ABLIM1: variants seen among roughly 807,000 people sequenced by gnomAD.
ABLIM1 encodes actin-binding LIM protein 1.
A neutral mutation model predicts 107.0 loss-of-function variants in ABLIM1; 40 were observed. The ratio of observed to expected loss-of-function variants is 0.37; its 90% CI spans 0.29 to 0.49. The LOEUF is 0.49. Among genes scored for constraint, ABLIM1 ranks in the 20% least tolerant of loss-of-function variants. ABLIM1 has a pLI of 0.97. For missense variants in ABLIM1, 857 were observed against 1,008.5 expected (o/e 0.85, Z 2.04); for synonymous variants, 357 against 357.3 (o/e 1.00, Z 0.01).
chr10:114,553,100 A>AT (rs5788071), intron 4 of ABLIM1, among the ~76,000 whole-genome samples: 56,428 of 151,998 alleles, frequency 0.37, 13,822 homozygotes, highest in African/African-American at 0.7. Flanking sequence ...CCTTCCTGGA[A>AT]TTCTCATTTG....
chr10:114,746,694 G>T (rs117351068), intron 1 of ABLIM1, among the ~76,000 whole-genome samples: 3,869 of 152,268 alleles, frequency 0.025, 75 homozygotes, highest in Middle Eastern at 0.048. Context: ...ACAAGAAAGG[G>T]TTTTCACCAC....
At chr10:114,575,271 G>T in intron 3 of ABLIM1, 145 bp downstream of exon 3, 1 of 867,206 alleles carries the variant, frequency 1.2e-6, no homozygotes, top group South Asian at 1.9e-5. Context: ...TTTTTACTAG[G>T]ACTGATAGTA....
chr10:114,562,167 T>C (rs1440712907), intron 4 of ABLIM1, among the ~76,000 whole-genome samples: 6 of 152,124 alleles, frequency 3.9e-5, no homozygotes, highest in Non-Finnish European at 5.9e-5. Context: ...TTCAGAAAAG[T>C]GTAGCTGCTC....
intron 1 of ABLIM1, among the ~76,000 whole-genome samples, chr10:114,671,801 A>C (rs974021499): frequency 2.0e-5 from 3 of 152,246 alleles, no homozygotes; most frequent in African/African-American, 7.2e-5. Flanking sequence ...TGTTTTGTGA[A>C]GTATACACCT....
the ABLIM1 span, among the ~76,000 whole-genome samples, chr10:114,787,612 CGTCCGGG>C: frequency 1.8e-4 from 26 of 145,560 alleles, no homozygotes; most frequent in South Asian, 2.2e-4. Context: ...CCAGCCGCCC[CGTCCGGG>C]AGGTGAGGGG....
At chr10:114,533,920 C>G (rs1190060508) in intron 6 of ABLIM1, among the ~76,000 whole-genome samples, 1 of 152,164 alleles carries the variant, frequency 6.6e-6, no homozygotes, top group African/African-American at 2.4e-5. Context: ...TCAAGTGATC[C>G]TCCTGCTTTG....
At chr10:114,787,802 C>T in the ABLIM1 span, among the ~76,000 whole-genome samples, 3 of 143,948 alleles carry the variant, frequency 2.1e-5, no homozygotes, top group African/African-American at 7.6e-5. Flanking sequence ...AGCCCCTCTG[C>T]CCGGCCACGA....
At chr10:114,521,648 C>G (rs937878316) in intron 6 of ABLIM1, among the ~76,000 whole-genome samples, 1 of 151,862 alleles carries the variant, frequency 6.6e-6, no homozygotes, top group Admixed American at 6.6e-5. Flanking sequence ...CGGTAGTCAA[C>G]CCCCCTCCTT....
chr10:114,616,590 G>C (rs186507571), intron 1 of ABLIM1, among the ~76,000 whole-genome samples: 2 of 152,198 alleles, frequency 1.3e-5, no homozygotes, highest in Non-Finnish European at 2.9e-5. Context: ...AGGTGACAAA[G>C]CGTTGTTCTA....
At chr10:114,678,586 C>T (rs10885595) in intron 1 of ABLIM1, among the ~76,000 whole-genome samples, 77,294 of 152,058 alleles carry the variant, frequency 0.51, 19,884 homozygotes, top group South Asian at 0.62. Flanking sequence ...TTTTGTGCTA[C>T]AATCTCAGAC....
intron 6 of ABLIM1, among the ~76,000 whole-genome samples, chr10:114,524,367 T>A (rs1437736911): frequency 2.0e-5 from 3 of 152,198 alleles, no homozygotes; most frequent in African/African-American, 7.2e-5. Context: ...AGCCATTGAC[T>A]TCATCGTTAT....
chr10:114,756,416 A>G (rs1475531118), intron 1 of ABLIM1, among the ~76,000 whole-genome samples: 4 of 152,166 alleles, frequency 2.6e-5, no homozygotes, highest in Admixed American at 2.6e-4. Flanking sequence ...AATGAACAAT[A>G]GTATCATTTT....
chr10:114,476,159 T>C (rs2056356737), intron 8 of ABLIM1, among the ~76,000 whole-genome samples: 1 of 152,206 alleles, frequency 6.6e-6, no homozygotes, highest in South Asian at 2.1e-4. Flanking sequence ...AGGGTGGAAG[T>C]GGCTGGGAGA....
chr10:114,702,272 T>C (rs989207162), intron 1 of ABLIM1, among the ~76,000 whole-genome samples: 1 of 152,188 alleles, frequency 6.6e-6, no homozygotes, highest in Non-Finnish European at 1.5e-5. Flanking sequence ...AAGACAATCA[T>C]TAATACATGA....
At chr10:114,485,705 C>G (rs1048307586) in intron 8 of ABLIM1, among the ~76,000 whole-genome samples, 1 of 152,326 alleles carries the variant, frequency 6.6e-6, no homozygotes, top group South Asian at 2.1e-4. Flanking sequence ...CCTTGAGAAT[C>G]TGTTGTTACA....
chr10:114,692,411 G>A (rs1282479619), intron 1 of ABLIM1, among the ~76,000 whole-genome samples: 1 of 152,182 alleles, frequency 6.6e-6, no homozygotes, highest in African/African-American at 2.4e-5. Flanking sequence ...AGGCTAGTCT[G>A]CTCAATACAC....
chr10:114,783,500 T>C, the ABLIM1 span, among the ~76,000 whole-genome samples: 2 of 151,998 alleles, frequency 1.3e-5, no homozygotes, highest in Non-Finnish European at 2.9e-5. Flanking sequence ...TGGTAGTATT[T>C]AAATCCATGG....
intron 1 of ABLIM1, among the ~76,000 whole-genome samples, chr10:114,649,924 C>T (rs2079168926): frequency 6.6e-6 from 1 of 151,634 alleles, no homozygotes; most frequent in East Asian, 1.9e-4. Context: ...AGTGCTATCT[C>T]GGCTCACTGC....
At chr10:114,455,967 C>A (rs1479733478) in intron 12 of ABLIM1, among the ~76,000 whole-genome samples, 1 of 152,182 alleles carries the variant, frequency 6.6e-6, no homozygotes, top group East Asian at 1.9e-4. Context: ...CGCCCGCCAC[C>A]GCGCCCGGCT....
Sources: allele counts gnomAD v4.1 joint callset (sites outside exome capture counted in the v4.1 genomes callset), GRCh38; gene constraint gnomAD v4.1.1; transcripts MANE v1.5; gene names NCBI Gene and HGNC (gene_info 2026-07-23, HGNC 2026-07-21).